MAGI1: variants seen among roughly 807,000 people sequenced by gnomAD.
MAGI1 encodes membrane-associated guanylate kinase, WW and PDZ domain-containing protein 1.
A neutral mutation model predicts 139.9 loss-of-function variants in MAGI1; 58 were observed. That is an observed-to-expected ratio of 0.41 (90% CI 0.34 to 0.52). The LOEUF (loss-of-function observed/expected upper bound fraction) is 0.52, where lower values mean the gene tolerates loss of function less well. Ranked by LOEUF, MAGI1 falls within the 20% of genes least tolerant of loss-of-function variation. MAGI1 has a pLI of 0.12. For missense variants in MAGI1, 1,874 were observed against 1,901.6 expected, an observed-to-expected ratio of 0.99 and a Z score of 0.27; for synonymous variants, 812 against 737.9, an observed-to-expected ratio of 1.10 and a Z score of -1.63.
intron 1 of MAGI1, among the ~76,000 whole-genome samples, chr3:66,006,271 G>A (rs2067006999): frequency 6.6e-6 from 1 of 152,170 alleles, no homozygotes; most frequent in Non-Finnish European, 1.5e-5. Flanking sequence ...TAACTCATGA[G>A]AGGCTGAAAA....
chr3:65,398,097 T>G (rs1477291602), intron 13 of MAGI1, among the ~76,000 whole-genome samples: 2 of 152,200 alleles, frequency 1.3e-5, no homozygotes, highest in African/African-American at 4.8e-5. Context: ...CCTTATTTAT[T>G]ATAGTATTTC....
intron 1 of MAGI1, among the ~76,000 whole-genome samples, chr3:65,896,098 G>C (rs2060956761): frequency 6.6e-6 from 1 of 152,040 alleles, no homozygotes; most frequent in African/African-American, 2.4e-5. Flanking sequence ...GAAGCCCCCA[G>C]CCAGACCAAA....
In MAGI1 at chr3:65,762,678, G is replaced by A. The variant is rs139155433; in HGVS notation, c.314-140590C>T. Among the ~76,000 whole-genome samples, 1,099 of 151,882 alleles carry A rather than the reference G, an allele frequency of 7.2e-3. 7 individuals are homozygous for A. Among genetic ancestry groups the A allele is most frequent in the Non-Finnish European group, 8.5e-3 (580 of 68,000 alleles). ...ATATAACATGGGTGTGTTATTATAGGTTAGGCACTCTGCTAAGTCCTCTAC... is the reference window on the plus strand; with the variant it reads ...ATATAACATGGGTGTGTTATTATAGATTAGGCACTCTGCTAAGTCCTCTAC... On this transcript the variant is annotated intron_variant, in intron 1 of 22. Coordinates refer to ENST00000402939, the MANE Select transcript of MAGI1 (RefSeq NM_001033057.2).
At chr3:65,394,995 C>T (rs748510834) in intron 13 of MAGI1, among the ~76,000 whole-genome samples, 5 of 152,096 alleles carry the variant, frequency 3.3e-5, no homozygotes, top group Admixed American at 6.5e-5. Context: ...AGTCTGTTAA[C>T]GAAACCCTGT....
At chr3:65,669,773 C>T (rs1490813224) in intron 1 of MAGI1, among the ~76,000 whole-genome samples, 1 of 152,136 alleles carries the variant, frequency 6.6e-6, no homozygotes, top group Non-Finnish European at 1.5e-5. Flanking sequence ...TGGCACCTAT[C>T]CAGTGGAAAG....
intron 1 of MAGI1, among the ~76,000 whole-genome samples, chr3:65,949,597 T>C (rs1320002623): frequency 6.6e-6 from 1 of 152,194 alleles, no homozygotes; most frequent in Non-Finnish European, 1.5e-5. Context: ...TCCAAGTTTC[T>C]AAGGCTGAAA....
chr3:65,561,505 C>T (rs889732146), intron 2 of MAGI1, among the ~76,000 whole-genome samples: 1 of 152,072 alleles, frequency 6.6e-6, no homozygotes, highest in Non-Finnish European at 1.5e-5. Flanking sequence ...CTGAAGTGTT[C>T]AGGAACAAGC....
intron 2 of MAGI1, among the ~76,000 whole-genome samples, chr3:65,575,888 T>G (rs2081153560): frequency 6.6e-6 from 1 of 152,202 alleles, no homozygotes; most frequent in African/African-American, 2.4e-5. Context: ...TTACTGGTTG[T>G]CTTGAAATCG....
chr3:65,895,835 T>G (rs2060946393), intron 1 of MAGI1, among the ~76,000 whole-genome samples: 1 of 152,210 alleles, frequency 6.6e-6, no homozygotes, highest in Non-Finnish European at 1.5e-5. Context: ...ATAGCTGGCA[T>G]TAAATCCAAA....
chr3:65,556,778 G>A lies in MAGI1; in HGVS notation c.431-63147C>T, dbSNP rs537152776. The stretch of plus-strand genomic sequence containing the variant: ...ACCAACACAAAGTAAATCTGACTAT[G>A]TCATTCCAACAGCTTGAGTCTCCAA... On this transcript the variant is annotated intron_variant, in intron 2 of 22. Transcript: ENST00000402939. Among the ~76,000 whole-genome samples the A allele has an allele frequency of 4.0e-4, 61 of 152,290 alleles. 1 individual carries two copies. Among genetic ancestry groups the A allele is most frequent in the African/African-American group, 1.4e-3 (58 of 41,550 alleles).
chr3:65,824,357 T>A (rs1376708655), intron 1 of MAGI1, among the ~76,000 whole-genome samples: 1 of 152,110 alleles, frequency 6.6e-6, no homozygotes, highest in Non-Finnish European at 1.5e-5. Context: ...AATTCCTAGG[T>A]GGCCAAGAGT....
chr3:65,407,742 T>C (rs1945467980), intron 12 of MAGI1, among the ~76,000 whole-genome samples: 1 of 152,206 alleles, frequency 6.6e-6, no homozygotes. Context: ...CTAGGATTAA[T>C]AAGTAATTCA....
At chr3:65,746,840 G>A (rs1055758886) in intron 1 of MAGI1, among the ~76,000 whole-genome samples, 5 of 152,136 alleles carry the variant, frequency 3.3e-5, no homozygotes, top group South Asian at 2.1e-4. Context: ...CATTTCTCTG[G>A]GCTAGGAATA....
In MAGI1 at chr3:65,439,928, TTGC is replaced by T. The variant is rs113562374; in HGVS notation, c.1218_1220del (p.Gln421del). The T allele has an allele frequency of 5.0e-5, 80 of 1,602,868 alleles. 1 individual carries two copies. The South Asian group carries it at 6.8e-4, about 14-fold the overall frequency. ...GCTGCTGCTGCTGTTGCTGCTGCTG[TTGC>T]TGCTGCTGCTGCTGCTCAAGCTGCT... On this transcript the variant is annotated inframe_deletion, in exon 9 of 23. Coordinates refer to ENST00000402939, the MANE Select transcript of MAGI1 (RefSeq NM_001033057.2).
At chr3:65,615,179 T>C (rs544679904) in intron 2 of MAGI1, among the ~76,000 whole-genome samples, 4 of 152,322 alleles carry the variant, frequency 2.6e-5, no homozygotes, top group Admixed American at 1.3e-4. Flanking sequence ...GTCAGTTTTA[T>C]TGCTGACAAA....
chr3:65,902,421 G>GC (rs1559994435), intron 1 of MAGI1, among the ~76,000 whole-genome samples: 1 of 152,320 alleles, frequency 6.6e-6, no homozygotes, highest in East Asian at 1.9e-4. Context: ...GAAGATAGCA[G>GC]CCCCTAGACA....
intron 1 of MAGI1, among the ~76,000 whole-genome samples, chr3:65,846,989 A>AAACAAAAAC (rs1262254660): frequency 6.6e-6 from 1 of 151,534 alleles, no homozygotes; most frequent in Non-Finnish European, 1.5e-5. Flanking sequence ...AAAAAAAAAA[A>AAACAAAAAC]AAAAAAACCC....
intron 1 of MAGI1, among the ~76,000 whole-genome samples, chr3:65,695,666 C>G (rs957301189): frequency 3.9e-5 from 6 of 152,146 alleles, no homozygotes; most frequent in Non-Finnish European, 7.3e-5. Flanking sequence ...ACGCCTAGAC[C>G]TCTTTTAAGG....
intron 12 of MAGI1, among the ~76,000 whole-genome samples, chr3:65,415,006 GAAAAAAAAAAAAAC>G (rs921815983): frequency 2.8e-5 from 3 of 105,606 alleles, no homozygotes; most frequent in African/African-American, 1.2e-4. Context: ...TCCAGCCTGG[GAAAAAAAAAAAAAC>G]AAAAAAAAAA....
Sources: gnomAD v4.1 joint callset for allele counts (sites outside exome capture counted in the v4.1 genomes callset) on GRCh38, gnomAD v4.1.1 for gene constraint, MANE v1.5 for transcripts, NCBI Gene and HGNC (gene_info 2026-07-23, HGNC 2026-07-21) for gene names.